Variants in N4BP2L2 observed in about 807,000 individuals in gnomAD.
N4BP2L2 encodes NEDD4-binding protein 2-like 2.
N4BP2L2 carries 50 observed loss-of-function variants against 56.2 expected under a neutral mutation model. That is an observed-to-expected ratio of 0.89 (90% confidence interval 0.71 to 1.13). The LOEUF is 1.13. N4BP2L2 is among the 50% of genes most tolerant of loss of function. The probability of loss-of-function intolerance (pLI) is 0.00; values close to 1 mark genes in which losing one functional copy is unlikely to be tolerated. For missense variants in N4BP2L2, 689 were observed against 693.8 expected (o/e 0.99, Z 0.08); for synonymous variants, 203 against 223.6 (o/e 0.91, Z 0.82).
intron 6 of N4BP2L2, among the ~76,000 whole-genome samples, chr13:32,460,679 A>G (rs1158499281): frequency 1.3e-5 from 2 of 152,198 alleles, no homozygotes; most frequent in Non-Finnish European, 2.9e-5. Context: ...TACAGATTCA[A>G]TGTAATCCCT....
At chr13:32,498,319 T>C (rs935515430) in intron 6 of N4BP2L2, among the ~76,000 whole-genome samples, 1 of 152,036 alleles carries the variant, frequency 6.6e-6, no homozygotes. Context: ...TTGGTTTGTA[T>C]TTTAAAATTT....
chr13:32,499,318 C>A (rs2089503832), intron 6 of N4BP2L2, among the ~76,000 whole-genome samples: 1 of 152,204 alleles, frequency 6.6e-6, no homozygotes, highest in African/African-American at 2.4e-5. Flanking sequence ...CATATTTCTG[C>A]AACCAGAAAA....
rs1180771472 is a variant in N4BP2L2, at chr13:32,536,556, T to A, written c.472A>T (p.Lys158Ter). Residue 158 changes from lysine (K) to a stop codon, truncating the protein, a stop_gained, in exon 2 of 6, where the codon AAA (lysine) becomes TAA (stop). Transcript: ENST00000267068. LOFTEE classifies it high-confidence loss of function. ...GATTTTTCAGAGTTAAATTTCTGTTTCTCTTTTTGTCCTCCTCTGTCATTT... is the reference window on the plus strand; with the variant it reads ...GATTTTTCAGAGTTAAATTTCTGTTACTCTTTTTGTCCTCCTCTGTCATTT... 1 of 1,613,836 alleles carries A rather than the reference T, an allele frequency of 6.2e-7. No homozygotes were observed. Among genetic ancestry groups the A allele is most frequent in the Non-Finnish European group, 8.5e-7 (1 of 1,180,012 alleles).
rs554572836 is a variant in N4BP2L2, at chr13:32,435,278, G to A, written c.*21+1083C>T. Among the ~76,000 whole-genome samples, 412 of 152,206 alleles carry A rather than the reference G, an allele frequency of 2.7e-3. 2 individuals carry two copies. Among genetic ancestry groups the A allele is most frequent in the African/African-American group, 9.3e-3 (385 of 41,514 alleles). On this transcript the variant is annotated intron_variant, in intron 9 of 9. Transcript: ENST00000357505. ...AGGTGGGGTCTCGCTCTGTCACCCA[G>A]GCTGGAGTGCAGTGGGGCGATCTCA...
At chr13:32,447,224 T>C (rs768674655) in intron 6 of N4BP2L2, among the ~76,000 whole-genome samples, 1 of 152,188 alleles carries the variant, frequency 6.6e-6, no homozygotes, top group Non-Finnish European at 1.5e-5. Context: ...TTGCCTCTCC[T>C]TTCTCTGGAT....
intron 8 of N4BP2L2, among the ~76,000 whole-genome samples, chr13:32,437,871 T>C (rs1593370771): frequency 2.0e-5 from 3 of 152,188 alleles, no homozygotes; most frequent in Admixed American, 6.5e-5. Context: ...TTTGGACTAA[T>C]TGAAAGAAAA....
chr13:32,437,053 T>C (rs150286159), intron 8 of N4BP2L2, among the ~76,000 whole-genome samples: 1 of 151,848 alleles, frequency 6.6e-6, no homozygotes, highest in African/African-American at 2.4e-5. Context: ...GCTAATTTTT[T>C]TGTGTTTTTA....
downstream of N4BP2L2, chr13:32,507,652 T>C (rs1359998206): frequency 1.3e-5 from 2 of 152,026 alleles, no homozygotes; most frequent in African/African-American, 4.8e-5. Flanking sequence ...GTTAGAGCTT[T>C]TAGCAAGGAC....
At chr13:32,450,970 C>A (rs1200556712) in intron 6 of N4BP2L2, among the ~76,000 whole-genome samples, 2 of 151,220 alleles carry the variant, frequency 1.3e-5, no homozygotes, top group Non-Finnish European at 2.9e-5. Context: ...CCTGCCTCAG[C>A]CTCCCAAAGT....
At chr13:32,463,918 CA>C (rs58685358) in intron 6 of N4BP2L2, among the ~76,000 whole-genome samples, 5,352 of 64,152 alleles carry the variant, frequency 0.083, 131 homozygotes, top group Middle Eastern at 0.1. Context: ...TGCCCATGAC[CA>C]AAAAAAAAAA....
chr13:32,462,377 G>A (rs1294667244), intron 6 of N4BP2L2, among the ~76,000 whole-genome samples: 1 of 152,144 alleles, frequency 6.6e-6, no homozygotes, highest in East Asian at 1.9e-4. Context: ...TTCATACATG[G>A]AAACTAAAAG....
At position 32,527,355 on chromosome 13, in the gene N4BP2L2, C is replaced by G; in HGVS notation, c.1384+53G>C. On this transcript the variant is annotated intron_variant, in intron 3 of 5. Coordinates refer to ENST00000267068, the Ensembl canonical transcript of N4BP2L2. Reference sequence around the variant, plus strand: ...CCTAAGCTGAAAATAAAATCTAGGTCTTTTGACTCCTAGCCAAATATTCTA... The same window carrying G: ...CCTAAGCTGAAAATAAAATCTAGGTGTTTTGACTCCTAGCCAAATATTCTA... The G allele has an allele frequency of 2.5e-6, 4 of 1,586,594 alleles. No individual in the cohort carries two copies. The South Asian group carries it at 4.5e-5, about 18-fold the overall frequency.
At chr13:32,478,945 C>T (rs553336135) in intron 6 of N4BP2L2, 3 of 152,094 alleles carry the variant, frequency 2.0e-5, no homozygotes, top group Non-Finnish European at 4.4e-5. Flanking sequence ...GCCTGGCCAA[C>T]ATGGTGAAAC....
At chr13:32,533,841 C>T (rs2055728992) in intron 2 of N4BP2L2, among the ~76,000 whole-genome samples, 1 of 152,154 alleles carries the variant, frequency 6.6e-6, no homozygotes, top group African/African-American at 2.4e-5. Flanking sequence ...CTATATGAAG[C>T]CATTCCTCAC....
chr13:32,503,645 C>G, intron 6 of N4BP2L2, among the ~76,000 whole-genome samples: 1 of 152,184 alleles, frequency 6.6e-6, no homozygotes, highest in East Asian at 1.9e-4. Flanking sequence ...GTGTAAAGGA[C>G]AAACAAGTTA....
rs569347057 is a variant in N4BP2L2, at chr13:32,433,799, C to T, written c.*22-827G>A. Among the ~76,000 whole-genome samples the T allele has an allele frequency of 4.0e-5, 6 of 149,992 alleles. No homozygotes were observed. In the East Asian group the frequency reaches 6.0e-4, roughly 15 times the overall value. On this transcript the variant is annotated intron_variant, in intron 9 of 9. Coordinates refer to the N4BP2L2 transcript ENST00000357505. ...AAAAAAAATTAGCTGGGCATGGTGGCGGGCGCCTGTAATTCCAGCTACTTG... is the reference window on the plus strand; with the variant it reads ...AAAAAAAATTAGCTGGGCATGGTGGTGGGCGCCTGTAATTCCAGCTACTTG...
intron 6 of N4BP2L2, among the ~76,000 whole-genome samples, chr13:32,467,925 G>C (rs2081530300): frequency 6.6e-6 from 1 of 151,972 alleles, no homozygotes; most frequent in Non-Finnish European, 1.5e-5. Context: ...GGGAGGCAGA[G>C]GTAGCAGTGA....
In N4BP2L2 at chr13:32,500,797, CT is replaced by C. The variant is rs1346029359; in HGVS notation, c.365+17059del. Among the ~76,000 whole-genome samples the C allele has an allele frequency of 5.3e-5, 8 of 150,792 alleles. No homozygotes were observed. The East Asian group carries it at 1.5e-3, about 29-fold the overall frequency. On this transcript the variant is annotated intron_variant, in intron 6 of 9. Transcript: ENST00000357505. The stretch of plus-strand genomic sequence containing the variant: ...AAATATTATAAATGTCGTCTTGTGC[CT>C]TCCAACATGTGCCCTCTTCCCTTCT...
At chr13:32,531,855 C>T (rs889150105) in intron 2 of N4BP2L2, among the ~76,000 whole-genome samples, 11 of 152,214 alleles carry the variant, frequency 7.2e-5, no homozygotes, top group South Asian at 4.1e-4. Flanking sequence ...TGTGTGCAGA[C>T]GTGTGTTCCT....
Sources: allele counts gnomAD v4.1 joint callset (sites outside exome capture counted in the v4.1 genomes callset), GRCh38; gene constraint gnomAD v4.1.1; transcripts MANE v1.5; gene names NCBI Gene and HGNC (gene_info 2026-07-23, HGNC 2026-07-21).